The following YTHDC2 variants were observed in gnomAD, a reference collection of about 807,000 sequenced individuals.
The protein encoded by YTHDC2 is 3'-5' RNA helicase YTHDC2.
YTHDC2 carries 45 observed loss-of-function variants against 174.9 expected under a neutral mutation model. The observed-to-expected ratio is 0.26, with a 90% CI of 0.20 to 0.33. The LOEUF (loss-of-function observed/expected upper bound fraction) is 0.33, where lower values mean the gene tolerates loss of function less well. Among genes scored for constraint, YTHDC2 ranks in the 10% least tolerant of loss-of-function variants. YTHDC2 has a pLI of 1.00. For missense variants in YTHDC2, 1,650 were observed against 1,723.7 expected, an observed-to-expected ratio of 0.96 and a Z score of 0.76; for synonymous variants, 657 against 574.5, an observed-to-expected ratio of 1.14 and a Z score of -2.05.
In YTHDC2 at chr5:113,567,698, C is replaced by T. The variant is rs1777441420; in HGVS notation, c.3093C>T (p.Pro1031=). The part of the protein sequence containing the change: ...NGQAAAIKAL[P]TDWLIYDEMT... ...AAGCTGCAGCAATTAAGGCACTGCC[C>T]ACAGATTGGCTTATTTATGATGAAA... is the stretch of plus-strand genomic sequence containing the variant. Residue 1031 remains proline, a synonymous_variant, in exon 23 of 30, where the codon CCC becomes CCT. Transcript: ENST00000161863. 6.2e-7 allele frequency: 1 copy of T among 1,607,276 alleles called. No individual in the cohort carries two copies. The highest frequency in any genetic ancestry group is 8.5e-7 in the Non-Finnish European group (1 of 1,177,294).
intron 7 of YTHDC2, among the ~76,000 whole-genome samples, chr5:113,536,236 A>C (rs1775062088): frequency 6.6e-6 from 1 of 152,232 alleles, no homozygotes; most frequent in African/African-American, 2.4e-5. Context: ...CAAAAAATAC[A>C]AAAGTTAGGC....
chr5:113,589,705 C>T (rs962904933), intron 26 of YTHDC2, among the ~76,000 whole-genome samples: 1 of 151,938 alleles, frequency 6.6e-6, no homozygotes, highest in Non-Finnish European at 1.5e-5. Flanking sequence ...GCATTCCAGC[C>T]TGTATGACAG....
chr5:113,532,574 A>C (rs1271761861), intron 4 of YTHDC2, among the ~76,000 whole-genome samples: 1 of 152,082 alleles, frequency 6.6e-6, no homozygotes, highest in African/African-American at 2.4e-5. Flanking sequence ...AATATGGCAT[A>C]TTTTCTTTAT....
At chr5:113,567,067 T>C (rs1777382933) in intron 21 of YTHDC2, 25 bp from the exon 22 acceptor site, 2 of 1,597,916 alleles carry the variant, frequency 1.3e-6, no homozygotes, top group African/African-American at 2.7e-5. Context: ...AATAGAAAAA[T>C]TGGTGTGGTT....
At chr5:113,532,835 T>C (rs758108133) in intron 4 of YTHDC2, 44 bp from the exon 5 acceptor site, 2 of 1,549,712 alleles carry the variant, frequency 1.3e-6, no homozygotes, top group East Asian at 2.3e-5. Flanking sequence ...TTTTTTGTAT[T>C]ATGTGATCAT....
At chr5:113,542,279 T>G in intron 9 of YTHDC2, 89 bp from the exon 10 acceptor site, 4 of 1,332,410 alleles carry the variant, frequency 3.0e-6, no homozygotes, top group Middle Eastern at 2.1e-4. Flanking sequence ...GGATTAGTAG[T>G]CCTGATGGCC....
At chr5:113,522,467 C>G (rs990145788) in intron 2 of YTHDC2, among the ~76,000 whole-genome samples, 1 of 152,048 alleles carries the variant, frequency 6.6e-6, no homozygotes, top group Non-Finnish European at 1.5e-5. Flanking sequence ...TTATGATGCT[C>G]TCAACTGTAA....
chr5:113,569,306 G>GT (rs1777563086), intron 23 of YTHDC2, among the ~76,000 whole-genome samples: 2 of 152,112 alleles, frequency 1.3e-5, no homozygotes, highest in Non-Finnish European at 2.9e-5. Flanking sequence ...TGTTTCCTCT[G>GT]ATGATAGTTG....
At chr5:113,526,821 AAAAAAAT>A (rs1214069333) in intron 4 of YTHDC2, 36 bp downstream of exon 4, 60 of 358,468 alleles carry the variant, frequency 1.7e-4, no homozygotes, top group African/African-American at 1.9e-4. Flanking sequence ...GAAAAAAAAA[AAAAAAAT>A]ATATATATAT....
intron 1 of YTHDC2, among the ~76,000 whole-genome samples, chr5:113,514,532 T>A (rs1272879312): frequency 1.3e-5 from 2 of 152,192 alleles, no homozygotes; most frequent in Non-Finnish European, 2.9e-5. Context: ...CCCACTTAAA[T>A]TAAACTTGTT....
intron 4 of YTHDC2, among the ~76,000 whole-genome samples, chr5:113,531,835 G>A (rs1045605563): frequency 2.0e-5 from 3 of 152,180 alleles, no homozygotes; most frequent in African/African-American, 7.2e-5. Context: ...ATGGTACCAA[G>A]TATTTGTATG....
chr5:113,556,171 G>A (rs1246545387), intron 17 of YTHDC2, 37 bp downstream of exon 17: 3 of 1,288,950 alleles, frequency 2.3e-6, no homozygotes, highest in Non-Finnish European at 3.3e-6. Context: ...TCAATTGCCT[G>A]TAAAATGGAA....
chr5:113,592,323 A>G, intron 28 of YTHDC2, 145 bp downstream of exon 28: 1 of 777,770 alleles, frequency 1.3e-6, no homozygotes, highest in East Asian at 3.0e-5. Context: ...TTGTAAAAAG[A>G]TAGTAAAAAC....
At chr5:113,524,700 A>C (rs562992963) in intron 2 of YTHDC2, among the ~76,000 whole-genome samples, 1 of 152,254 alleles carries the variant, frequency 6.6e-6, no homozygotes, top group African/African-American at 2.4e-5. Flanking sequence ...ATCTACCATG[A>C]AGTCTGCTAA....
At chr5:113,551,288 G>A (rs983016707) in intron 12 of YTHDC2, among the ~76,000 whole-genome samples, 3 of 151,936 alleles carry the variant, frequency 2.0e-5, no homozygotes, top group African/African-American at 4.8e-5. Flanking sequence ...ACTAGATACT[G>A]CAGGTTACCA....
intron 1 of YTHDC2, among the ~76,000 whole-genome samples, chr5:113,514,715 C>T (rs1181561985): frequency 6.6e-6 from 1 of 151,904 alleles, no homozygotes; most frequent in South Asian, 2.1e-4. Flanking sequence ...TAGTCCAAAA[C>T]GGGGAATGTT....
chr5:113,528,321 T>G (rs1774422326), intron 4 of YTHDC2, among the ~76,000 whole-genome samples: 1 of 152,220 alleles, frequency 6.6e-6, no homozygotes, highest in Admixed American at 6.5e-5. Context: ...AGTTCAAACC[T>G]GAGAAATAAT....
In YTHDC2 at chr5:113,561,096, C is replaced by T. The variant is rs1252007321; in HGVS notation, c.2233C>T (p.Pro745Ser). ...ATTTTTAAGGGCAGGGCGATGTAGA[C>T]CTGGAATTTGTTTTCGTCTGTTCAG... ...QRKGRAGRCR[P>S]GICFRLFSRL... The change falls in exon 18 of 30, where the codon CCT becomes TCT. Residue 745 changes from proline to serine, a missense_variant. Pro to Ser is a moderately conservative substitution (Grantham distance 74). Transcript: ENST00000161863. 1.2e-6 allele frequency: 2 copies of T among 1,608,062 alleles called. No homozygotes were observed. The highest frequency in any genetic ancestry group is 1.7e-6 in the Non-Finnish European group (2 of 1,176,498).
At chr5:113,548,740 T>A in intron 11 of YTHDC2, 73 bp downstream of exon 11, 13 of 1,444,858 alleles carry the variant, frequency 9.0e-6, no homozygotes, top group Non-Finnish European at 1.2e-5. Context: ...TTTCTTATGT[T>A]TGTCTTTATA....
Sources: gnomAD v4.1 joint callset for allele counts (sites outside exome capture counted in the v4.1 genomes callset) on GRCh38, gnomAD v4.1.1 for gene constraint, MANE v1.5 for transcripts, NCBI Gene and HGNC (gene_info 2026-07-23, HGNC 2026-07-21) for gene names.